Variants in FAF1 observed in about 807,000 individuals in gnomAD.
The protein encoded by FAF1 is FAS-associated factor 1.
In FAF1, 25 loss-of-function variants were observed where a neutral mutation model predicts 92.5. The ratio of observed to expected loss-of-function variants is 0.27; its 90% CI spans 0.20 to 0.38. The LOEUF (loss-of-function observed/expected upper bound fraction) is 0.38. FAF1 is among the 10% of genes least tolerant of loss of function. FAF1 has a pLI of 1.00. For synonymous variants in FAF1, 234 were observed against 273.2 expected (o/e 0.86, Z 1.42); for missense variants, 636 against 793.3 (o/e 0.80, Z 2.38).
intron 2 of FAF1, among the ~76,000 whole-genome samples, chr1:50,808,476 G>A (rs1360677493): frequency 2.0e-5 from 3 of 151,986 alleles, no homozygotes; most frequent in Non-Finnish European, 4.4e-5. Flanking sequence ...GTTGGATAAG[G>A]AAGCAAGACC....
intron 1 of FAF1, among the ~76,000 whole-genome samples, chr1:50,885,295 T>TTCTCTCTC (rs147647466): frequency 0.35 from 48,314 of 137,360 alleles, 9,447 homozygotes; most frequent in Middle Eastern, 0.48. Flanking sequence ...CCGTGTCTCT[T>TTCTCTCTC]TCTCTCTCTC....
rs951709450 is a variant in FAF1 at position 50,765,457 on chromosome 1, A to C, written c.368-20682T>G. Among the ~76,000 whole-genome samples the C allele has an allele frequency of 3.9e-5, 6 of 152,312 alleles. No homozygotes were observed. In the South Asian group the frequency reaches 6.2e-4, roughly 16 times the overall value. ...CATAATTTCTAGAAGGCAACTAAAC[A>C]TTAAGGATAGGGGACTCTGCTCCTA... is the stretch of plus-strand genomic sequence containing the variant. On this transcript the variant is annotated intron_variant, in intron 4 of 18. Coordinates refer to ENST00000396153, the MANE Select transcript of FAF1 (RefSeq NM_007051.3).
chr1:50,848,953 A>C (rs1404954689), intron 2 of FAF1, among the ~76,000 whole-genome samples: 1 of 152,208 alleles, frequency 6.6e-6, no homozygotes, highest in Non-Finnish European at 1.5e-5. Flanking sequence ...TAAGGTCAGT[A>C]GTTTAGTCAA....
chr1:50,651,483 C>A (rs1654862481), intron 8 of FAF1, among the ~76,000 whole-genome samples: 1 of 152,052 alleles, frequency 6.6e-6, no homozygotes, highest in African/African-American at 2.4e-5. Context: ...ATATCTAAGG[C>A]TACTGTATAT....
chr1:50,954,291 T>G (rs1481131190), intron 1 of FAF1, among the ~76,000 whole-genome samples: 1 of 152,166 alleles, frequency 6.6e-6, no homozygotes, highest in Non-Finnish European at 1.5e-5. Flanking sequence ...ATATTACTAC[T>G]AGTGAGAGTT....
intron 1 of FAF1, among the ~76,000 whole-genome samples, chr1:50,940,686 T>C (rs998780796): frequency 3.9e-5 from 6 of 152,242 alleles, no homozygotes; most frequent in African/African-American, 1.4e-4. Flanking sequence ...ACATAATTAT[T>C]TACAGGTACT....
At chr1:50,846,637 G>A (rs1001545345) in intron 2 of FAF1, 3 of 531,016 alleles carry the variant, frequency 5.6e-6, no homozygotes, top group Non-Finnish European at 1.1e-5. Flanking sequence ...ACAATCAGTG[G>A]CACAACAGAG....
intron 9 of FAF1, 49 bp from the exon 10 acceptor site, chr1:50,584,860 A>C (rs769588515): frequency 6.5e-7 from 1 of 1,542,768 alleles, no homozygotes; most frequent in South Asian, 1.1e-5. Flanking sequence ...TGGCCTATCA[A>C]ATTCTAAGAA....
At chr1:50,487,643 A>G (rs1014841337) in intron 17 of FAF1, among the ~76,000 whole-genome samples, 3 of 152,190 alleles carry the variant, frequency 2.0e-5, no homozygotes, top group African/African-American at 4.8e-5. Context: ...TTTCACTCCA[A>G]CAGTTATCAC....
intron 8 of FAF1, among the ~76,000 whole-genome samples, chr1:50,652,869 CTGAG>C (rs1654928975): frequency 6.6e-6 from 1 of 152,128 alleles, no homozygotes; most frequent in African/African-American, 2.4e-5. Context: ...GACTCATTTA[CTGAG>C]TGTCTACTAT....
intron 12 of FAF1, among the ~76,000 whole-genome samples, chr1:50,575,968 TATA>T (rs1214663037): frequency 6.6e-5 from 10 of 152,194 alleles, no homozygotes; most frequent in Admixed American, 6.5e-4. Context: ...AAAAAATAAA[TATA>T]ATAAAATTTG....
rs1646148343 is a variant in FAF1 at position 50,439,108 on chromosome 1, A to G, written c.*2332T>C. The G allele has an allele frequency of 6.6e-6, 1 of 152,276 alleles. No individual in the cohort carries two copies. The highest frequency in any genetic ancestry group is 2.1e-4 in the South Asian group (1 of 4,834). 9.4% of individuals were successfully genotyped at this position (152,276 alleles called of 1,614,324 possible). On this transcript the variant is annotated 3_prime_UTR_variant, in exon 19 of 19. Coordinates refer to ENST00000396153, the MANE Select transcript of FAF1 (RefSeq NM_007051.3). ...TCACTGTCAACAGTTGGGCATAAGA[A>G]TGCCAAGCAAATATTCAGACTGACT...
intron 15 of FAF1, among the ~76,000 whole-genome samples, chr1:50,534,384 G>A (rs995732157): frequency 6.6e-5 from 10 of 152,084 alleles, no homozygotes; most frequent in South Asian, 2.1e-4. Context: ...AGGTTCAAGC[G>A]ATTATCCTGC....
chr1:50,576,832 CTTTTTTT>C (rs34718011), intron 12 of FAF1, among the ~76,000 whole-genome samples: 9 of 140,668 alleles, frequency 6.4e-5, no homozygotes, highest in South Asian at 2.2e-4. Flanking sequence ...GTTCGTTTTT[CTTTTTTT>C]TTTTTTTGTA....
intron 2 of FAF1, among the ~76,000 whole-genome samples, chr1:50,832,898 A>G (rs988901073): frequency 2.6e-5 from 4 of 152,198 alleles, no homozygotes; most frequent in Non-Finnish European, 5.9e-5. Flanking sequence ...TATTTCTCTC[A>G]AAATAGAATA....
intron 8 of FAF1, among the ~76,000 whole-genome samples, chr1:50,600,406 C>A (rs748472315): frequency 2.0e-5 from 3 of 152,040 alleles, no homozygotes; most frequent in Non-Finnish European, 2.9e-5. Flanking sequence ...GTGAGGCAGA[C>A]CAATGTATCT....
chr1:50,473,352 A>G (rs17106225), intron 18 of FAF1, among the ~76,000 whole-genome samples: 1,556 of 152,344 alleles, frequency 0.01, 40 homozygotes, highest in East Asian at 0.015. Context: ...TTTAAAATGC[A>G]AAGTCCTTAA....
At chr1:50,672,807 T>G (rs1486208967) in intron 7 of FAF1, among the ~76,000 whole-genome samples, 1 of 152,224 alleles carries the variant, frequency 6.6e-6, no homozygotes, top group Non-Finnish European at 1.5e-5. Flanking sequence ...CTTTTATTGT[T>G]TTTAATAATG....
chr1:50,721,455 C>T (rs542615583), intron 6 of FAF1, among the ~76,000 whole-genome samples: 9 of 152,138 alleles, frequency 5.9e-5, no homozygotes, highest in South Asian at 2.1e-4. Context: ...CCTCAGGATC[C>T]GCCTGCGTCG....
Sources: gnomAD v4.1 joint callset for allele counts (sites outside exome capture counted in the v4.1 genomes callset) on GRCh38, gnomAD v4.1.1 for gene constraint, MANE v1.5 for transcripts, NCBI Gene and HGNC (gene_info 2026-07-23, HGNC 2026-07-21) for gene names.